The following KIF16B variants were observed in gnomAD, a reference collection of about 807,000 sequenced individuals.
KIF16B encodes kinesin-like protein KIF16B.
A neutral mutation model predicts 156.3 loss-of-function variants in KIF16B; 98 were observed. The observed-to-expected ratio is 0.63, with a 90% CI of 0.53 to 0.74. The LOEUF (loss-of-function observed/expected upper bound fraction) is 0.74, where lower values mean the gene tolerates loss of function less well. KIF16B is among the 30% of genes least tolerant of loss of function. The pLI, the probability that KIF16B is intolerant of heterozygous loss-of-function variation, is 0.00. For synonymous variants in KIF16B, 564 were observed against 583.7 expected (o/e 0.97, Z 0.49); for missense variants, 1,421 against 1,606.5 (o/e 0.88, Z 1.97).
At chr20:16,491,367 A>T (rs2068285920) in intron 12 of KIF16B, among the ~76,000 whole-genome samples, 1 of 152,198 alleles carries the variant, frequency 6.6e-6, no homozygotes. Flanking sequence ...GGACTTTAGA[A>T]AATGAAAAGT....
At chr20:16,341,709 T>A (rs1240363110) in intron 23 of KIF16B, among the ~76,000 whole-genome samples, 1 of 152,194 alleles carries the variant, frequency 6.6e-6, no homozygotes, top group African/African-American at 2.4e-5. Flanking sequence ...AGCTCCTTCA[T>A]CAGAAACTCT....
At chr20:16,543,263 G>A (rs1256096029) in intron 1 of KIF16B, among the ~76,000 whole-genome samples, 1 of 152,146 alleles carries the variant, frequency 6.6e-6, no homozygotes, top group Non-Finnish European at 1.5e-5. Context: ...TGTTTCACTA[G>A]AAGGTGGTTT....
chr20:16,520,670 C>G (rs2069314838), intron 3 of KIF16B, among the ~76,000 whole-genome samples: 1 of 152,214 alleles, frequency 6.6e-6, no homozygotes, highest in African/African-American at 2.4e-5. Flanking sequence ...GCACAGCACT[C>G]ACGCTCTGCT....
chr20:16,527,051 G>A (rs1310535388), intron 2 of KIF16B, among the ~76,000 whole-genome samples: 3 of 152,126 alleles, frequency 2.0e-5, no homozygotes, highest in East Asian at 1.9e-4. Context: ...CAGAGTCAGC[G>A]GTCTTTTACC....
At position 16,430,928 on chromosome 20, in the gene KIF16B, A is replaced by G. The variant is rs1359594453; in HGVS notation, c.1303-946T>C. 3.4e-5 allele frequency among the ~76,000 whole-genome samples: 5 copies of G among 146,678 alleles called. No homozygotes were observed. In the South Asian group the frequency reaches 1.0e-3, roughly 31 times the overall value. ...CAAACAGGCAGCACAAATTTAACAC[A>G]TTAAAAAAAACAAAAAACAAAAAAC... On this transcript the variant is annotated intron_variant, in intron 12 of 25. Coordinates refer to ENST00000354981, the MANE Select transcript of KIF16B (RefSeq NM_024704.5).
intron 12 of KIF16B, among the ~76,000 whole-genome samples, chr20:16,443,029 A>T (rs2146540596): frequency 6.6e-6 from 1 of 152,248 alleles, no homozygotes; most frequent in South Asian, 2.1e-4. Flanking sequence ...GAAAATCCAA[A>T]ATCCAAAATG....
intron 12 of KIF16B, among the ~76,000 whole-genome samples, chr20:16,481,309 C>T (rs1466643485): frequency 2.0e-5 from 3 of 152,186 alleles, no homozygotes; most frequent in Non-Finnish European, 2.9e-5. Context: ...AGTCCTCCTG[C>T]CTCAGCCTCC....
At chr20:16,475,653 T>G (rs1353012197) in intron 12 of KIF16B, among the ~76,000 whole-genome samples, 2 of 152,162 alleles carry the variant, frequency 1.3e-5, no homozygotes, top group Non-Finnish European at 2.9e-5. Context: ...AATTGTACAT[T>G]TTAATTCTCT....
chr20:16,283,337 A>G (rs2063175178), intron 25 of KIF16B, among the ~76,000 whole-genome samples: 1 of 152,110 alleles, frequency 6.6e-6, no homozygotes. Flanking sequence ...TGCCAATCCT[A>G]GTGTGCCTCC....
chr20:16,455,754 G>A (rs2067196158), intron 12 of KIF16B, among the ~76,000 whole-genome samples: 2 of 152,180 alleles, frequency 1.3e-5, no homozygotes, highest in Admixed American at 1.3e-4. Context: ...GCTACAAACT[G>A]CCTGCCAGGA....
intron 1 of KIF16B, among the ~76,000 whole-genome samples, chr20:16,553,343 G>C (rs2070733080): frequency 6.6e-6 from 1 of 152,134 alleles, no homozygotes; most frequent in East Asian, 1.9e-4. Context: ...ACGCTGTCAC[G>C]CCTTGAATGC....
chr20:16,571,122 C>T (rs1278551909), intron 1 of KIF16B, among the ~76,000 whole-genome samples: 1 of 152,182 alleles, frequency 6.6e-6, no homozygotes, highest in Admixed American at 6.5e-5. Context: ...CAAGAGAGAA[C>T]ATACCAACTT....
chr20:16,467,189 T>A (rs1370806285), intron 12 of KIF16B, among the ~76,000 whole-genome samples: 1 of 152,060 alleles, frequency 6.6e-6, no homozygotes, highest in Non-Finnish European at 1.5e-5. Flanking sequence ...CACACTAGGG[T>A]GATGGCCAGG....
intron 15 of KIF16B, among the ~76,000 whole-genome samples, chr20:16,417,423 T>A (rs1174776529): frequency 6.6e-6 from 1 of 152,110 alleles, no homozygotes; most frequent in Non-Finnish European, 1.5e-5. Context: ...ATGGCCTACA[T>A]CCAGCTAGGT....
At chr20:16,518,450 G>A (rs139730985) in intron 3 of KIF16B, among the ~76,000 whole-genome samples, 35 of 152,284 alleles carry the variant, frequency 2.3e-4, no homozygotes, top group Admixed American at 1.5e-3. Context: ...GTAATCCAAG[G>A]CATCACTGGG....
intron 25 of KIF16B, among the ~76,000 whole-genome samples, chr20:16,310,561 T>G (rs2063604275): frequency 6.6e-6 from 1 of 152,222 alleles, no homozygotes; most frequent in Non-Finnish European, 1.5e-5. Context: ...TGTTGGCATA[T>G]AAAAACAAGT....
chr20:16,539,558 G>A (rs1004485728), intron 1 of KIF16B, among the ~76,000 whole-genome samples: 15 of 152,088 alleles, frequency 9.9e-5, no homozygotes, highest in African/African-American at 2.7e-4. Flanking sequence ...CACCTCCCCC[G>A]ACCCTTGCTC....
intron 15 of KIF16B, among the ~76,000 whole-genome samples, chr20:16,410,200 TGTAGGTACATATACATGTAG>T (rs2065913086): frequency 6.8e-6 from 1 of 146,652 alleles, no homozygotes; most frequent in South Asian, 2.1e-4. Flanking sequence ...TATACATATA[TGTAGGTACATATACATGTAG>T]GTACATATAC....
intron 17 of KIF16B, among the ~76,000 whole-genome samples, chr20:16,400,311 G>A (rs1427385174): frequency 1.3e-5 from 2 of 152,194 alleles, no homozygotes; most frequent in Admixed American, 1.3e-4. Context: ...AATACAATAA[G>A]ATACTGCCTC....
Sources: allele counts gnomAD v4.1 joint callset (sites outside exome capture counted in the v4.1 genomes callset), GRCh38; gene constraint gnomAD v4.1.1; transcripts MANE v1.5; gene names NCBI Gene and HGNC (gene_info 2026-07-23, HGNC 2026-07-21).